Variants in ADGRA1 observed in about 807,000 individuals in gnomAD.
The protein encoded by ADGRA1 is G-protein coupled receptor 123.
Under a neutral mutation model 21.3 loss-of-function variants are expected in ADGRA1, and 12 were observed. The observed-to-expected ratio is 0.56, with a 90% confidence interval of 0.36 to 0.91. The LOEUF is 0.91. ADGRA1 is among the 40% of genes least tolerant of loss of function. The probability of loss-of-function intolerance (pLI) is 0.01; values close to 1 mark genes in which losing one functional copy is unlikely to be tolerated. For synonymous variants in ADGRA1, 385 were observed against 368.8 expected (o/e 1.04, Z -0.50); for missense variants, 790 against 805.6 (o/e 0.98, Z 0.23).
intron 5 of ADGRA1, among the ~76,000 whole-genome samples, chr10:133,126,014 G>A (rs1372124645): frequency 2.6e-5 from 4 of 152,188 alleles, no homozygotes; most frequent in Admixed American, 6.5e-5. Flanking sequence ...ATCCTTCAGC[G>A]TTTCTGGTGT....
intron 6 of ADGRA1, among the ~76,000 whole-genome samples, chr10:133,127,902 G>A (rs1413730228): frequency 5.6e-5 from 5 of 89,912 alleles, no homozygotes; most frequent in African/African-American, 2.2e-4. Context: ...CCCCACGCTG[G>A]CCACGCCCAC....
In ADGRA1 at chr10:133,128,735, C is replaced by T; in HGVS notation, c.907C>T (p.Leu303Phe). Residue 303 changes from leucine (L) to phenylalanine (F), a missense_variant, in exon 7 of 7, where the codon CTC becomes TTC. Leu to Phe is a conservative substitution (Grantham distance 22, BLOSUM62 0). Transcript: ENST00000392607. ...CTGCGTGACCCTGGGACTCTTCGTG[C>T]TCATCCACCACTGCGCCAAGCGTGA... ...AFCVTLGLFV[L>F]IHHCAKREDV... 2.5e-6 allele frequency: 4 copies of T among 1,612,172 alleles called. No individual in the cohort carries two copies. The highest frequency in any genetic ancestry group is 3.4e-6 in the Non-Finnish European group (4 of 1,179,612).
chr10:133,111,321 C>G (rs112634697), intron 5 of ADGRA1, among the ~76,000 whole-genome samples: 2 of 100,054 alleles, frequency 2.0e-5, no homozygotes, highest in African/African-American at 1.0e-4. Context: ...CCCTCCTAAT[C>G]CCACCAGACC....
chr10:133,118,816 C>T (rs1372943206), intron 5 of ADGRA1, among the ~76,000 whole-genome samples: 1 of 152,188 alleles, frequency 6.6e-6, no homozygotes, highest in Admixed American at 6.6e-5. Context: ...CACTTTATTG[C>T]AGTGGTCTGG....
Position 133,128,694 on chromosome 10 carries a change from G to A in ADGRA1, c.866G>A (p.Cys289Tyr). The change falls in exon 7 of 7, where the codon TGC becomes TAC. Residue 289 changes from cysteine (C) to tyrosine (Y), a missense_variant. Physicochemically the swap from Cys to Tyr is radical, Grantham distance 194. Transcript: ENST00000392607. ...QGHFLDMVFS[C>Y]LYGAFCVTLG... Reference sequence around the variant, plus strand: ...CACTTCCTGGACATGGTCTTCAGCTGCCTGTACGGCGCCTTCTGCGTGACC... The same window carrying A: ...CACTTCCTGGACATGGTCTTCAGCTACCTGTACGGCGCCTTCTGCGTGACC... 6.8e-6 allele frequency: 11 copies of A among 1,611,950 alleles called. No individual in the cohort carries two copies. Among genetic ancestry groups the A allele is most frequent in the Non-Finnish European group, 8.5e-6 (10 of 1,179,644 alleles).
Position 133,124,345 on chromosome 10 carries a change from C to T in ADGRA1, c.402-2888C>T, listed in dbSNP as rs569352715. ...TGAGTCAGCTCCCGCTTTGCCCCTC[C>T]GGACACCTCTGGGTCGGGTTCATAG... On this transcript the variant is annotated intron_variant, in intron 5 of 6. Coordinates refer to ENST00000392607, the MANE Select transcript of ADGRA1 (RefSeq NM_001083909.3). 7.9e-5 allele frequency among the ~76,000 whole-genome samples: 12 copies of T among 152,364 alleles called. No individual in the cohort carries two copies. The East Asian group carries it at 2.3e-3, about 29-fold the overall frequency.
At chr10:133,128,189 G>A in intron 6 of ADGRA1, 140 bp from the exon 7 acceptor site, 1 of 604,660 alleles carries the variant, frequency 1.7e-6, no homozygotes. Context: ...AGCGACTCTA[G>A]AAACGCCCAA....
intron 5 of ADGRA1, among the ~76,000 whole-genome samples, chr10:133,126,774 T>C (rs1382583537): frequency 6.6e-6 from 1 of 152,186 alleles, no homozygotes; most frequent in Non-Finnish European, 1.5e-5. Context: ...CTTCTTCCCC[T>C]GAGGCTGAGC....
At chr10:133,088,532 G>A (rs936233663) in intron 1 of ADGRA1, 176 bp from the exon 2 acceptor site, 23 of 269,030 alleles carry the variant, frequency 8.5e-5, no homozygotes, top group Non-Finnish European at 2.7e-5. Flanking sequence ...TTCGGTCCGA[G>A]CCCCCCACCG....
chr10:133,127,385 T>G, intron 6 of ADGRA1, 54 bp downstream of exon 6: 1 of 1,352,092 alleles, frequency 7.4e-7, no homozygotes, highest in Non-Finnish European at 1.0e-6. Context: ...GGGCTCTGCC[T>G]GAGGTCCCTC....
intron 4 of ADGRA1, among the ~76,000 whole-genome samples, chr10:133,101,687 A>C (rs1463917200): frequency 6.6e-6 from 1 of 152,116 alleles, no homozygotes; most frequent in South Asian, 2.1e-4. Context: ...ACGGTGCCCC[A>C]TGGTTTCCAG....
In ADGRA1 at chr10:133,129,723, A is replaced by ATCACACCCCTGCCCCTTCCTTGTGATCAC. The variant is rs1001489686; in HGVS notation, c.*212_*213insTCACACCCCTGCCCCTTCCTTGTGATCAC. 114 of 443,596 alleles carry ATCACACCCCTGCCCCTTCCTTGTGATCAC rather than the reference A, an allele frequency of 2.6e-4. No individual in the cohort carries two copies. Among genetic ancestry groups the ATCACACCCCTGCCCCTTCCTTGTGATCAC allele is most frequent in the Non-Finnish European group, 3.0e-4 (73 of 246,438 alleles). The allele number at this position is 443,596 out of a possible 1,614,324, so 27.5% of individuals were successfully genotyped here. On this transcript the variant is annotated 3_prime_UTR_variant, in exon 7 of 7. Transcript: ENST00000392607. ...ATCACACCCCTGCCCCTTCCTTGTG[A>ATCACACCCCTGCCCCTTCCTTGTGATCAC]AAGACCTCAGCGGGGAAACGCTCCG...
rs1290424173 is a variant in ADGRA1 at position 133,128,726 on chromosome 10, C to T, written c.898C>T (p.Leu300Phe). 1.9e-6 allele frequency: 3 copies of T among 1,612,088 alleles called. No individual in the cohort carries two copies. The African/African-American group carries it at 4.0e-5, about 22-fold the overall frequency. ...LYGAFCVTLG[L>F]FVLIHHCAKR... ...CGGCGCCTTCTGCGTGACCCTGGGA[C>T]TCTTCGTGCTCATCCACCACTGCGC... is the stretch of plus-strand genomic sequence containing the variant. The change falls in exon 7 of 7, where the codon CTC (leucine) becomes TTC (phenylalanine). Residue 300 changes from leucine to phenylalanine, a missense_variant. Physicochemically the swap from Leu to Phe is conservative, Grantham distance 22. This residue lies in a region of ADGRA1 where 17 missense variants were observed against 38.5 expected (regional missense o/e 0.44). Transcript: ENST00000392607.
At chr10:133,100,353 C>G (rs536145228) in intron 4 of ADGRA1, among the ~76,000 whole-genome samples, 1 of 152,378 alleles carries the variant, frequency 6.6e-6, no homozygotes, top group East Asian at 1.9e-4. Context: ...TGCGAGAGGC[C>G]GTCACCATCA....
At chr10:133,122,497 A>G (rs897444260) in intron 5 of ADGRA1, among the ~76,000 whole-genome samples, 2 of 152,180 alleles carry the variant, frequency 1.3e-5, no homozygotes, top group African/African-American at 2.4e-5. Flanking sequence ...TGCCCCCTCT[A>G]CTGCGAAGCT....
At chr10:133,099,770 G>A (rs903350253) in intron 4 of ADGRA1, among the ~76,000 whole-genome samples, 2 of 152,196 alleles carry the variant, frequency 1.3e-5, no homozygotes, top group African/African-American at 2.4e-5. Flanking sequence ...CAGCCACACA[G>A]CCCAGTACAG....
At chr10:133,123,555 C>T (rs1490118235) in intron 5 of ADGRA1, among the ~76,000 whole-genome samples, 1 of 152,180 alleles carries the variant, frequency 6.6e-6, no homozygotes, top group East Asian at 1.9e-4. Flanking sequence ...GGGTTCACCG[C>T]ACAGCTGGGG....
At chr10:133,111,872 CAGACCACCTGCCCACCA>C (rs1852023332) in intron 5 of ADGRA1, among the ~76,000 whole-genome samples, 1 of 126,982 alleles carries the variant, frequency 7.9e-6, no homozygotes, top group Non-Finnish European at 1.7e-5. Context: ...CTAATCCCTC[CAGACCACCTGCCCACCA>C]CAGACACCTC....
chr10:133,098,887 A>T, intron 4 of ADGRA1, 124 bp downstream of exon 4: 1 of 1,319,792 alleles, frequency 7.6e-7, no homozygotes, highest in Non-Finnish European at 1.0e-6. Flanking sequence ...GGACCCTGGC[A>T]CATCGGTGTC....
Sources: gnomAD v4.1 joint callset for allele counts (sites outside exome capture counted in the v4.1 genomes callset) on GRCh38, gnomAD v4.1.1 for gene constraint, gnomAD v4.1.1 regional missense constraint, MANE v1.5 for transcripts, NCBI Gene and HGNC (gene_info 2026-07-23, HGNC 2026-07-21) for gene names.